CDH13: variants seen among roughly 807,000 people sequenced by gnomAD.
CDH13 encodes the protein cadherin-13.
A neutral mutation model predicts 63.8 loss-of-function variants in CDH13; 24 were observed. The observed-to-expected ratio is 0.38, with a 90% CI of 0.27 to 0.53. The LOEUF (loss-of-function observed/expected upper bound fraction) is 0.53, where lower values mean the gene tolerates loss of function less well. CDH13 is among the 20% of genes least tolerant of loss of function. The pLI, the probability that CDH13 is intolerant of heterozygous loss-of-function variation, is 0.85. For synonymous variants in CDH13, 503 were observed against 355.3 expected, an observed-to-expected ratio of 1.42 and a Z score of -4.67; for missense variants, 1,049 against 903.1, an observed-to-expected ratio of 1.16 and a Z score of -2.07.
chr16:83,644,239 T>A (rs1456894335), intron 8 of CDH13, among the ~76,000 whole-genome samples: 1 of 152,178 alleles, frequency 6.6e-6, no homozygotes, highest in East Asian at 1.9e-4. Flanking sequence ...CCAAGGTGCT[T>A]CCATGGTCCA....
chr16:83,503,301 G>T (rs2074326140), intron 7 of CDH13, among the ~76,000 whole-genome samples: 1 of 152,200 alleles, frequency 6.6e-6, no homozygotes, highest in Non-Finnish European at 1.5e-5. Flanking sequence ...CATTACCTAT[G>T]AAGCTGATTA....
intron 3 of CDH13, among the ~76,000 whole-genome samples, chr16:83,112,363 G>GGAGACA (rs374761453): frequency 6.4e-4 from 98 of 152,232 alleles, no homozygotes; most frequent in Non-Finnish European, 1.2e-3. Context: ...GCTTTGAGAG[G>GGAGACA]GAGACAGAGA....
intron 10 of CDH13, among the ~76,000 whole-genome samples, chr16:83,707,901 T>C (rs867655493): frequency 7.8e-4 from 115 of 148,138 alleles, no homozygotes; most frequent in Middle Eastern, 3.6e-3. Context: ...AAGAATACTT[T>C]ATTTTCCTTC....
chr16:82,742,934 A>G (rs1225255922), intron 1 of CDH13, among the ~76,000 whole-genome samples: 1 of 152,220 alleles, frequency 6.6e-6, no homozygotes, highest in African/African-American at 2.4e-5. Context: ...TATAAGTGAC[A>G]TTAATGTAAT....
intron 6 of CDH13, among the ~76,000 whole-genome samples, chr16:83,444,064 G>A (rs1202395281): frequency 6.7e-6 from 1 of 148,416 alleles, no homozygotes; most frequent in Non-Finnish European, 1.5e-5. Flanking sequence ...TGATGACTGT[G>A]ATGATCATCA....
intron 6 of CDH13, among the ~76,000 whole-genome samples, chr16:83,442,029 CAG>C (rs1433201769): frequency 2.0e-5 from 3 of 152,124 alleles, no homozygotes; most frequent in Non-Finnish European, 4.4e-5. Flanking sequence ...AGCGAGATGA[CAG>C]AGTCTTTTTT....
rs981081861 is a variant in CDH13 at position 82,645,534 on chromosome 16, A to G, written c.45+18397A>G. On this transcript the variant is annotated intron_variant, in intron 1 of 13. Coordinates refer to ENST00000567109, the MANE Select transcript of CDH13 (RefSeq NM_001257.5). ...GGGCAGAGCTCAGGGATGCTGTTCA[A>G]CATCCTACAATGAACAGCACAGCTC... Among the ~76,000 whole-genome samples, 9 of 152,092 alleles carry G rather than the reference A, an allele frequency of 5.9e-5. No individual in the cohort carries two copies. In the East Asian group the frequency reaches 9.7e-4, roughly 16 times the overall value.
chr16:83,193,121 A>G (rs2038774282), intron 4 of CDH13, among the ~76,000 whole-genome samples: 2 of 151,924 alleles, frequency 1.3e-5, no homozygotes, highest in South Asian at 2.1e-4. Context: ...TGTGAATGAC[A>G]GAATCATCAA....
chr16:82,663,670 C>G (rs575161679), intron 1 of CDH13, among the ~76,000 whole-genome samples: 39 of 152,152 alleles, frequency 2.6e-4, no homozygotes, highest in Non-Finnish European at 2.8e-4. Context: ...TCCCTTGTAC[C>G]TGGAAAACTA....
chr16:83,470,170 C>T (rs2073418927), intron 6 of CDH13, among the ~76,000 whole-genome samples: 1 of 152,180 alleles, frequency 6.6e-6, no homozygotes, highest in Non-Finnish European at 1.5e-5. Context: ...TATCCCTCTA[C>T]TTCCCACCTC....
At chr16:83,142,485 C>G (rs1408944596) in intron 4 of CDH13, among the ~76,000 whole-genome samples, 1 of 152,108 alleles carries the variant, frequency 6.6e-6, no homozygotes, top group Non-Finnish European at 1.5e-5. Context: ...CCAGCTGCCT[C>G]CTACTCATCC....
intron 3 of CDH13, among the ~76,000 whole-genome samples, chr16:83,124,045 T>C (rs1459621657): frequency 1.3e-5 from 2 of 151,938 alleles, no homozygotes; most frequent in East Asian, 3.9e-4. Context: ...CCACTTTCTT[T>C]TGTTTGTTTG....
chr16:82,755,004 C>T (rs2034560332), intron 1 of CDH13, among the ~76,000 whole-genome samples: 1 of 151,946 alleles, frequency 6.6e-6, no homozygotes. Context: ...TTACTATTAC[C>T]CTGGGAAACA....
At chr16:83,027,094 G>T (rs1310780176) in intron 2 of CDH13, among the ~76,000 whole-genome samples, 1 of 143,152 alleles carries the variant, frequency 7.0e-6, no homozygotes, top group Non-Finnish European at 1.5e-5. Context: ...TCACAGCACA[G>T]AAGGGAGACC....
At chr16:83,308,347 A>T (rs373205183) in intron 5 of CDH13, among the ~76,000 whole-genome samples, 2 of 152,202 alleles carry the variant, frequency 1.3e-5, no homozygotes, top group East Asian at 3.9e-4. Flanking sequence ...GTTGATCGAG[A>T]AAATATAAAT....
At chr16:82,842,145 TATATATATATATATATATACACAC>T (rs2039056478) in intron 1 of CDH13, among the ~76,000 whole-genome samples, 1 of 27,594 alleles carries the variant, frequency 3.6e-5, no homozygotes, top group Non-Finnish European at 7.7e-5. Flanking sequence ...TATACACATA[TATATATATATATATATATACACAC>T]ACACACATAT....
intron 6 of CDH13, among the ~76,000 whole-genome samples, chr16:83,463,170 C>A (rs74035323): frequency 6.6e-6 from 1 of 152,048 alleles, no homozygotes; most frequent in African/African-American, 2.4e-5. Flanking sequence ...GGGGCAGGGG[C>A]ATTGAAGATT....
At chr16:83,306,296 T>C (rs2089877386) in intron 5 of CDH13, among the ~76,000 whole-genome samples, 1 of 152,160 alleles carries the variant, frequency 6.6e-6, no homozygotes, top group Admixed American at 6.5e-5. Context: ...AGAAATTGGA[T>C]CCCCAGTGTG....
intron 7 of CDH13, among the ~76,000 whole-genome samples, chr16:83,492,126 C>A (rs576648608): frequency 6.6e-6 from 1 of 152,040 alleles, no homozygotes; most frequent in Non-Finnish European, 1.5e-5. Context: ...AATATTGTCA[C>A]GTAGCATGCA....
Sources: allele counts gnomAD v4.1 joint callset (sites outside exome capture counted in the v4.1 genomes callset), GRCh38; gene constraint gnomAD v4.1.1; transcripts MANE v1.5; gene names NCBI Gene and HGNC (gene_info 2026-07-23, HGNC 2026-07-21).